Variants in IFT80 observed in about 807,000 individuals in gnomAD.
The protein encoded by IFT80 is intraflagellar transport 80.
A neutral mutation model predicts 107.9 loss-of-function variants in IFT80; 79 were observed. The ratio of observed to expected loss-of-function variants is 0.73; its 90% CI spans 0.61 to 0.88. The LOEUF (loss-of-function observed/expected upper bound fraction) is 0.88. Among genes scored for constraint, IFT80 ranks in the 40% least tolerant of loss-of-function variants. The probability of loss-of-function intolerance (pLI) is 0.00; values close to 1 mark genes in which losing one functional copy is unlikely to be tolerated. For missense variants in IFT80, 797 were observed against 914.2 expected, an observed-to-expected ratio of 0.87 and a Z score of 1.65; for synonymous variants, 299 against 300.9, an observed-to-expected ratio of 0.99 and a Z score of 0.07.
intron 9 of IFT80, among the ~76,000 whole-genome samples, chr3:160,312,415 A>G (rs1717344924): frequency 6.7e-6 from 1 of 149,210 alleles, no homozygotes; most frequent in South Asian, 2.1e-4. Context: ...TTCAAGTATT[A>G]ATACTTTCAG....
intron 5 of IFT80, 126 bp downstream of exon 5, chr3:160,375,686 A>T: frequency 1.5e-6 from 1 of 673,468 alleles, no homozygotes; most frequent in Non-Finnish European, 2.7e-6. Flanking sequence ...AATATAAGAG[A>T]TTACTGTTTT....
intron 9 of IFT80, among the ~76,000 whole-genome samples, chr3:160,319,072 T>C (rs1408161758): frequency 6.6e-6 from 1 of 152,084 alleles, no homozygotes; most frequent in Non-Finnish European, 1.5e-5. Context: ...TGTCTACTCT[T>C]CATCAAATGT....
intron 8 of IFT80, among the ~76,000 whole-genome samples, chr3:160,323,017 C>T (rs1576808347): frequency 6.6e-6 from 1 of 152,166 alleles, no homozygotes; most frequent in African/African-American, 2.4e-5. Context: ...GTTTCTTTTG[C>T]TGTGCAGAGG....
intron 8 of IFT80, among the ~76,000 whole-genome samples, chr3:160,329,782 GCTTC>G (rs1046851148): frequency 3.3e-5 from 5 of 151,966 alleles, no homozygotes; most frequent in African/African-American, 1.2e-4. Flanking sequence ...ATTTCTGAAG[GCTTC>G]CATGTTATGT....
Position 160,277,585 on chromosome 3 carries a change from C to A in IFT80, c.1922G>T (p.Gly641Val). The A allele has an allele frequency of 1.2e-6, 2 of 1,611,492 alleles. No individual in the cohort carries two copies. The highest frequency in any genetic ancestry group is 1.7e-6 in the Non-Finnish European group (2 of 1,177,840). Residue 641 changes from glycine to valine, a missense_variant, in exon 17 of 20, where the codon GGT (glycine) becomes GTT (valine). Physicochemically the swap from Gly to Val is moderately radical, Grantham distance 109. Transcript: ENST00000326448. Reference sequence around the variant, plus strand: ...ATGTAAACATTAATTACTTACTTCACCAATTGCTGCATAGGCTATTTCTGC... The same window carrying A: ...ATGTAAACATTAATTACTTACTTCAACAATTGCTGCATAGGCTATTTCTGC... ...TTAEIAYAAI[G>V]EIDKVQYINS...
In IFT80 at chr3:160,282,621, T is replaced by C. The variant is rs1416676802; in HGVS notation, c.1381-8A>G. On this transcript the variant is annotated splice_region_variant and splice_polypyrimidine_tract_variant and intron_variant, in intron 13 of 19. Transcript: ENST00000326448. ...AATTTCCAAGATTTCATTCTAAAAT[T>C]TTTTTTAAATGTAAATACTGGGTTA... 1.3e-6 allele frequency: 2 copies of C among 1,536,066 alleles called. No individual in the cohort carries two copies.
intron 8 of IFT80, among the ~76,000 whole-genome samples, chr3:160,331,679 A>G (rs1385230105): frequency 1.5e-5 from 2 of 137,236 alleles, no homozygotes; most frequent in African/African-American, 5.5e-5. Flanking sequence ...TTTTTTTTTT[A>G]AGACAATGTC....
At chr3:160,278,308 AC>A (rs1283433209) in intron 16 of IFT80, among the ~76,000 whole-genome samples, 1 of 152,212 alleles carries the variant, frequency 6.6e-6, no homozygotes, top group East Asian at 1.9e-4. Context: ...AGCCATCTGT[AC>A]AGTAAGGAGT....
intron 1 of IFT80, among the ~76,000 whole-genome samples, chr3:160,390,421 A>C (rs867892070): frequency 1.0e-3 from 157 of 151,938 alleles, no homozygotes; most frequent in Non-Finnish European, 1.6e-3. Context: ...CCGTCTCAAA[A>C]AAAAAAAAAG....
At chr3:160,299,349 A>G (rs368045720) in intron 12 of IFT80, 17 of 474,784 alleles carry the variant, frequency 3.6e-5, no homozygotes, top group African/African-American at 3.6e-4. Flanking sequence ...TATTATCTGA[A>G]GTACTGAAAA....
chr3:160,386,023 T>C (rs1405803759), intron 1 of IFT80, among the ~76,000 whole-genome samples: 1 of 152,150 alleles, frequency 6.6e-6, no homozygotes, highest in Non-Finnish European at 1.5e-5. Flanking sequence ...TCAGAAAACC[T>C]CAAACTGCCA....
intron 5 of IFT80, among the ~76,000 whole-genome samples, chr3:160,374,800 A>T (rs576201753): frequency 6.6e-6 from 1 of 152,362 alleles, no homozygotes; most frequent in East Asian, 1.9e-4. Context: ...CTAAAGTAAC[A>T]ATAAGTTGAC....
At chr3:160,316,136 G>A (rs2108293094) in intron 9 of IFT80, among the ~76,000 whole-genome samples, 1 of 152,194 alleles carries the variant, frequency 6.6e-6, no homozygotes, top group East Asian at 1.9e-4. Context: ...TGTCTTGCTT[G>A]CACTCTCTCT....
At chr3:160,311,862 C>G (rs1198005089) in intron 9 of IFT80, among the ~76,000 whole-genome samples, 1 of 152,152 alleles carries the variant, frequency 6.6e-6, no homozygotes, top group Non-Finnish European at 1.5e-5. Context: ...ACTGCAACCT[C>G]CGCCTCCCAG....
At chr3:160,356,333 C>A (rs1360016558) in intron 7 of IFT80, among the ~76,000 whole-genome samples, 183 bp from the exon 8 acceptor site, 1 of 152,108 alleles carries the variant, frequency 6.6e-6, no homozygotes, top group Admixed American at 6.5e-5. Flanking sequence ...AGCAATTAAA[C>A]GTCTTTACTA....
At chr3:160,297,745 G>A (rs1421440632) in intron 12 of IFT80, among the ~76,000 whole-genome samples, 1 of 151,990 alleles carries the variant, frequency 6.6e-6, no homozygotes, top group Admixed American at 6.6e-5. Context: ...TCATAGCTAT[G>A]CAAACTAATA....
chr3:160,384,546 T>C lies in IFT80; in HGVS notation c.37+18A>G. 1 of 1,438,014 alleles carries C rather than the reference T, an allele frequency of 7.0e-7. No homozygotes were observed. Among genetic ancestry groups the C allele is most frequent in the South Asian group, 1.2e-5 (1 of 81,274 alleles). The allele number at this position is 1,438,014 out of a possible 1,614,324, so 89.1% of individuals were successfully genotyped here. On this transcript the variant is annotated intron_variant, in intron 2 of 19. Transcript: ENST00000326448. ...AATTAAGAAAATCCAATAAGATTTA[T>C]AAGCATTAAAAGGATATGCTTTGGT... is the stretch of plus-strand genomic sequence containing the variant.
intron 15 of IFT80, among the ~76,000 whole-genome samples, chr3:160,280,307 T>C (rs1714587466): frequency 6.6e-6 from 1 of 152,232 alleles, no homozygotes; most frequent in Non-Finnish European, 1.5e-5. Context: ...TTAACGTCAA[T>C]GATAATCTGT....
At chr3:160,303,843 T>C (rs1453391510) in intron 11 of IFT80, 72 bp downstream of exon 11, 3 of 921,464 alleles carry the variant, frequency 3.3e-6, no homozygotes, top group Non-Finnish European at 5.4e-6. Context: ...TTTAATTGGA[T>C]GTTTTTATTA....
Sources: allele counts gnomAD v4.1 joint callset (sites outside exome capture counted in the v4.1 genomes callset), GRCh38; gene constraint gnomAD v4.1.1; transcripts MANE v1.5; gene names NCBI Gene and HGNC (gene_info 2026-07-23, HGNC 2026-07-21).